Variants in AOPEP observed in about 807,000 individuals in gnomAD.
AOPEP encodes aminopeptidase O (putative).
A neutral mutation model predicts 98.1 loss-of-function variants in AOPEP; 77 were observed. That is an observed-to-expected ratio of 0.78 (90% confidence interval 0.65 to 0.95). AOPEP has a LOEUF of 0.95. AOPEP is among the 40% of genes least tolerant of loss of function. The probability of loss-of-function intolerance (pLI) is 0.00; values close to 1 mark genes in which losing one functional copy is unlikely to be tolerated. For missense variants in AOPEP, 1,024 were observed against 1,024.7 expected, an observed-to-expected ratio of 1.00 and a Z score of 0.01; for synonymous variants, 346 against 365.3, an observed-to-expected ratio of 0.95 and a Z score of 0.60.
At chr9:95,016,309 C>T (rs1210716953) in intron 13 of AOPEP, among the ~76,000 whole-genome samples, 1 of 138,702 alleles carries the variant, frequency 7.2e-6, no homozygotes, top group Non-Finnish European at 1.5e-5. Context: ...GTGGCGCGAT[C>T]TTGGCCCACT....
intron 13 of AOPEP, among the ~76,000 whole-genome samples, chr9:95,029,276 T>C (rs2064099523): frequency 6.6e-6 from 1 of 152,200 alleles, no homozygotes; most frequent in East Asian, 1.9e-4. Flanking sequence ...AGGTGGACAT[T>C]ACTGAATTCC....
chr9:94,771,096 A>G lies in AOPEP; in HGVS notation c.798-1906A>G, dbSNP rs541579044. 3.3e-5 allele frequency among the ~76,000 whole-genome samples: 5 copies of G among 152,288 alleles called. No homozygotes were observed. In the South Asian group the frequency reaches 8.3e-4, roughly 25 times the overall value. On this transcript the variant is annotated intron_variant, in intron 2 of 16. Coordinates refer to ENST00000375315, the MANE Select transcript of AOPEP (RefSeq NM_001193329.3). Reference sequence around the variant, plus strand: ...GCTGATGGAGGCAGCCTTGGGGGCCACATACCTAAGGGCACAAGTGGAATG... The same window carrying G: ...GCTGATGGAGGCAGCCTTGGGGGCCGCATACCTAAGGGCACAAGTGGAATG...
chr9:95,003,772 T>C (rs1307870770), intron 11 of AOPEP: 1 of 153,570 alleles, frequency 6.5e-6, no homozygotes, highest in Non-Finnish European at 1.4e-5. Context: ...TTAGCTATTA[T>C]AATAATGACG....
intron 7 of AOPEP, among the ~76,000 whole-genome samples, chr9:94,954,774 G>A (rs1389326697): frequency 6.6e-6 from 1 of 152,194 alleles, no homozygotes; most frequent in Admixed American, 6.5e-5. Context: ...ATCCAGAGAA[G>A]TGGATAACAT....
chr9:94,883,392 AAAAGG>A (rs1464623661), intron 5 of AOPEP, among the ~76,000 whole-genome samples: 7 of 152,356 alleles, frequency 4.6e-5, no homozygotes, highest in African/African-American at 1.7e-4. Context: ...CAAAAAAAGA[AAAAGG>A]AAAATGAGGT....
At chr9:95,052,244 G>A (rs1370235368) in intron 13 of AOPEP, among the ~76,000 whole-genome samples, 1 of 152,146 alleles carries the variant, frequency 6.6e-6, no homozygotes, top group Non-Finnish European at 1.5e-5. Context: ...GACTATCAAG[G>A]ATGGGGGTAG....
intron 5 of AOPEP, among the ~76,000 whole-genome samples, chr9:94,846,325 A>C (rs2042863037): frequency 6.6e-6 from 1 of 152,122 alleles, no homozygotes; most frequent in Non-Finnish European, 1.5e-5. Flanking sequence ...GGAAGTTATG[A>C]GGACTGAGGG....
intron 2 of AOPEP, among the ~76,000 whole-genome samples, chr9:94,771,016 C>G (rs1021608660): frequency 6.6e-6 from 1 of 152,164 alleles, no homozygotes; most frequent in South Asian, 2.1e-4. Flanking sequence ...CACAGTATTT[C>G]TCAGATTTGA....
the AOPEP span, among the ~76,000 whole-genome samples, chr9:95,111,826 C>G: frequency 6.6e-6 from 1 of 152,210 alleles, no homozygotes; most frequent in African/African-American, 2.4e-5. Flanking sequence ...CACAGGACAT[C>G]GAAAGAGTGC....
intron 5 of AOPEP, among the ~76,000 whole-genome samples, chr9:94,865,153 T>A (rs145885833): frequency 2.0e-5 from 3 of 152,312 alleles, no homozygotes; most frequent in African/African-American, 7.2e-5. Context: ...TATCTTTAAA[T>A]AAGAAATCCT....
rs1313032860 is a variant in AOPEP, at chr9:95,073,257, C to T, written c.2233-7437C>T. On this transcript the variant is annotated intron_variant, in intron 14 of 16. Coordinates refer to ENST00000375315, the MANE Select transcript of AOPEP (RefSeq NM_001193329.3). ...GTCTGTGGCCCTCCCTGCATGTTGA[C>T]GCTCTTCTAACCCCCATCTTGGGGA... is the stretch of plus-strand genomic sequence containing the variant. Among the ~76,000 whole-genome samples the T allele has an allele frequency of 4.6e-5, 7 of 152,306 alleles. No individual in the cohort carries two copies. In the East Asian group the frequency reaches 9.7e-4, roughly 21 times the overall value.
chr9:95,095,811 GTC>G, the AOPEP span, among the ~76,000 whole-genome samples: 1 of 147,244 alleles, frequency 6.8e-6, no homozygotes, highest in Non-Finnish European at 1.5e-5. Context: ...GGACTGGAGA[GTC>G]TGCCCTGAGG....
At chr9:95,105,832 A>AC in the AOPEP span, among the ~76,000 whole-genome samples, 1 of 152,102 alleles carries the variant, frequency 6.6e-6, no homozygotes, top group African/African-American at 2.4e-5. Flanking sequence ...GCTGAACAGT[A>AC]CTCTCTTGTG....
At chr9:95,148,148 T>C in the AOPEP span, among the ~76,000 whole-genome samples, 1 of 152,224 alleles carries the variant, frequency 6.6e-6, no homozygotes, top group African/African-American at 2.4e-5. Flanking sequence ...CATATGAATG[T>C]CTGATGAAGC....
chr9:94,933,587 T>C (rs1312363690), intron 7 of AOPEP: 29 of 985,248 alleles, frequency 2.9e-5, no homozygotes, highest in Non-Finnish European at 3.4e-5. Flanking sequence ...CCTCATCCCT[T>C]GATCACAAAA....
At chr9:94,875,133 T>C (rs1025136287) in intron 5 of AOPEP, among the ~76,000 whole-genome samples, 1 of 152,046 alleles carries the variant, frequency 6.6e-6, no homozygotes, top group African/African-American at 2.4e-5. Flanking sequence ...TTTTCTTTGA[T>C]AGGTAAAATC....
At chr9:95,071,646 C>CA (rs2068522517) in intron 14 of AOPEP, among the ~76,000 whole-genome samples, 1 of 152,060 alleles carries the variant, frequency 6.6e-6, no homozygotes, top group African/African-American at 2.4e-5. Context: ...TTGGTGGTGG[C>CA]ACCGCAGCTC....
At chr9:95,060,864 A>C in intron 14 of AOPEP, 54 bp downstream of exon 14, 1 of 1,124,856 alleles carries the variant, frequency 8.9e-7, no homozygotes, top group Non-Finnish European at 1.4e-6. Flanking sequence ...GTTGTTGAAG[A>C]ATGGTGATCC....
rs530639681 is a variant in AOPEP, at chr9:94,858,943, G to C, written c.1364+57941G>C. Among the ~76,000 whole-genome samples, 4 of 151,720 alleles carry C rather than the reference G, an allele frequency of 2.6e-5. No homozygotes were observed. The East Asian group carries it at 7.8e-4, about 30-fold the overall frequency. On this transcript the variant is annotated intron_variant, in intron 5 of 16. Transcript: ENST00000375315. The stretch of plus-strand genomic sequence containing the variant: ...CTCAGGAGGCTGAGGCAGGAGAATG[G>C]TGTGAACCCGGGAGGCGGAGCTTGC...
Sources: allele counts gnomAD v4.1 joint callset (sites outside exome capture counted in the v4.1 genomes callset), GRCh38; gene constraint gnomAD v4.1.1; transcripts MANE v1.5; gene names NCBI Gene and HGNC (gene_info 2026-07-23, HGNC 2026-07-21).